PPM1H: variants seen among roughly 807,000 people sequenced by gnomAD.
The protein encoded by PPM1H is protein phosphatase, Mg2+/Mn2+ dependent 1H.
A neutral mutation model predicts 54.9 loss-of-function variants in PPM1H; 27 were observed. The ratio of observed to expected loss-of-function variants is 0.49; its 90% CI spans 0.36 to 0.68. The LOEUF (loss-of-function observed/expected upper bound fraction) is 0.68. Among genes scored for constraint, PPM1H ranks in the 30% least tolerant of loss-of-function variants. The pLI is 0.00. For missense variants in PPM1H, 596 were observed against 667.8 expected (o/e 0.89, Z 1.19); for synonymous variants, 305 against 270.8 (o/e 1.13, Z -1.24).
chr12:62,811,655 G>C (rs946795522), intron 2 of PPM1H, among the ~76,000 whole-genome samples: 1 of 152,126 alleles, frequency 6.6e-6, no homozygotes, highest in Non-Finnish European at 1.5e-5. Flanking sequence ...CCTCCATGCT[G>C]TTCTTGTGAT....
intron 1 of PPM1H, among the ~76,000 whole-genome samples, chr12:62,921,284 T>C (rs894982868): frequency 6.6e-6 from 1 of 152,144 alleles, no homozygotes; most frequent in Non-Finnish European, 1.5e-5. Context: ...CTTCCTATAC[T>C]TATACAAAAA....
intron 6 of PPM1H, among the ~76,000 whole-genome samples, chr12:62,695,586 T>C (rs1357348129): frequency 1.3e-5 from 2 of 152,154 alleles, no homozygotes; most frequent in Non-Finnish European, 2.9e-5. Context: ...TTTGATGTTT[T>C]TACATACTCA....
chr12:62,756,029 C>T lies in PPM1H; in HGVS notation c.870-18443G>A, dbSNP rs986527651. The T allele has an allele frequency of 7.1e-6, 10 of 1,410,118 alleles. No homozygotes were observed. In the African/African-American group the frequency reaches 1.1e-4, roughly 16 times the overall value. 87.4% of individuals were successfully genotyped at this position (1,410,118 alleles called of 1,614,324 possible). On this transcript the variant is annotated intron_variant, in intron 4 of 9. Coordinates refer to ENST00000228705, the MANE Select transcript of PPM1H (RefSeq NM_020700.2). ...AAGGTGGTGAAGCAGGCGTCCGAGA[C>T]CCCCTCAAGGGCATCCTGGGCTACA... is the stretch of plus-strand genomic sequence containing the variant.
rs1446020724 is a variant in PPM1H at position 62,844,213 on chromosome 12, A to G, written c.246-11934T>C. Among the ~76,000 whole-genome samples, 1 of 152,200 alleles carries G rather than the reference A, an allele frequency of 6.6e-6. No homozygotes were observed. The highest frequency in any genetic ancestry group is 1.5e-5 in the Non-Finnish European group (1 of 68,036). On this transcript the variant is annotated intron_variant, in intron 1 of 9. Transcript: ENST00000228705. This position sits in a 1 kb window ranked among gnomAD's most constrained non-coding sequence, Gnocchi z 5.2. ...GTTGGTGTTCCAAAGTGGGGAAGCTAAGGTTTCACTTATATAGGCAGAAAC... is the reference window on the plus strand; with the variant it reads ...GTTGGTGTTCCAAAGTGGGGAAGCTGAGGTTTCACTTATATAGGCAGAAAC...
chr12:62,663,817 C>T (rs1197780732), intron 9 of PPM1H, among the ~76,000 whole-genome samples: 2 of 152,090 alleles, frequency 1.3e-5, no homozygotes, highest in Admixed American at 6.5e-5. Flanking sequence ...CATGGAGAAA[C>T]CCCATCTCTA....
intron 2 of PPM1H, among the ~76,000 whole-genome samples, chr12:62,803,187 T>C (rs540447277): frequency 5.3e-5 from 8 of 152,320 alleles, no homozygotes; most frequent in Admixed American, 2.6e-4. Context: ...ACTCTCGGTC[T>C]CTCCATTCCT....
At chr12:62,763,773 A>G (rs1347994853) in intron 4 of PPM1H, among the ~76,000 whole-genome samples, 2 of 152,216 alleles carry the variant, frequency 1.3e-5, no homozygotes, top group Non-Finnish European at 2.9e-5. Context: ...TGAAGCAACC[A>G]AAATCTTGAG....
At position 62,733,323 on chromosome 12, in the gene PPM1H, C is replaced by T. The variant is rs1050026139; in HGVS notation, c.954+4179G>A. Among the ~76,000 whole-genome samples the T allele has an allele frequency of 3.2e-4, 48 of 152,144 alleles. 1 individual carries two copies. The highest frequency in any genetic ancestry group is 2.8e-3 in the Admixed American group (43 of 15,276). On this transcript the variant is annotated intron_variant, in intron 5 of 9. Transcript: ENST00000228705. ...GGCTGGAGTTGCAGTGGCACAATCT[C>T]GGCTTACTGCAACCTCCGCCTCCCA...
chr12:62,834,943 C>G (rs541026250), intron 1 of PPM1H, among the ~76,000 whole-genome samples: 47 of 152,220 alleles, frequency 3.1e-4, no homozygotes, highest in South Asian at 2.1e-3. Context: ...GGGGAAAGCT[C>G]AAGTGGGGGT....
intron 1 of PPM1H, among the ~76,000 whole-genome samples, chr12:62,901,328 A>C (rs1400637829): frequency 2.0e-5 from 3 of 152,184 alleles, no homozygotes; most frequent in African/African-American, 4.8e-5. Context: ...TCAGATTTCT[A>C]TTTTTAAGTT....
intron 1 of PPM1H, among the ~76,000 whole-genome samples, chr12:62,898,914 CCGTCCA>C (rs1463612980): frequency 2.6e-5 from 4 of 152,158 alleles, no homozygotes; most frequent in Non-Finnish European, 5.9e-5. Flanking sequence ...AGAGAAGCAG[CCGTCCA>C]CTGGGTTCAG....
chr12:62,826,762 A>G lies in PPM1H; in HGVS notation c.411+5352T>C, dbSNP rs140361540. ...TCAAGAAAGGAGGGAGAAATTAAGC[A>G]TATGTATTCCAGAGGGACTTCATGC... is the stretch of plus-strand genomic sequence containing the variant. On this transcript the variant is annotated intron_variant, in intron 2 of 9. Coordinates refer to ENST00000228705, the MANE Select transcript of PPM1H (RefSeq NM_020700.2). Among the ~76,000 whole-genome samples the G allele has an allele frequency of 6.6e-5, 10 of 152,364 alleles. No homozygotes were observed. The East Asian group carries it at 1.5e-3, about 23-fold the overall frequency.
intron 2 of PPM1H, among the ~76,000 whole-genome samples, chr12:62,825,663 C>T (rs1471429539): frequency 1.3e-5 from 2 of 152,082 alleles, no homozygotes; most frequent in East Asian, 1.9e-4. Context: ...TGTTCTCACT[C>T]ATAGGTGGGA....
At chr12:62,677,442 A>T (rs192614926) in intron 8 of PPM1H, among the ~76,000 whole-genome samples, 1 of 152,296 alleles carries the variant, frequency 6.6e-6, no homozygotes, top group Non-Finnish European at 1.5e-5. Context: ...CAGGGTTGTG[A>T]TGCCCTCTTT....
chr12:62,665,434 G>T (rs571957659), intron 9 of PPM1H, among the ~76,000 whole-genome samples: 1 of 152,216 alleles, frequency 6.6e-6, no homozygotes, highest in South Asian at 2.1e-4. Context: ...AAAAAATTCT[G>T]GAACTTCTTC....
rs899240913 is a variant in PPM1H, at chr12:62,844,008, G to A, written c.246-11729C>T. Among the ~76,000 whole-genome samples, 4 of 152,214 alleles carry A rather than the reference G, an allele frequency of 2.6e-5. No individual in the cohort carries two copies. Among genetic ancestry groups the A allele is most frequent in the Non-Finnish European group, 5.9e-5 (4 of 68,044 alleles). ...TGAGGTCTCAGAATAACCCATCTGA[G>A]TTTCATTTTAGGCAAACTGATTTCT... On this transcript the variant is annotated intron_variant, in intron 1 of 9. Coordinates refer to ENST00000228705, the MANE Select transcript of PPM1H (RefSeq NM_020700.2). The surrounding 1 kb of genome is among the most constrained non-coding windows in gnomAD (Gnocchi z 5.2).
chr12:62,824,661 T>C (rs1043835654), intron 2 of PPM1H, among the ~76,000 whole-genome samples: 19 of 152,180 alleles, frequency 1.2e-4, no homozygotes, highest in Non-Finnish European at 2.4e-4. Context: ...AAGGATTCCC[T>C]ATTTAATAAA....
At chr12:62,672,058 T>A (rs369188954) in intron 8 of PPM1H, among the ~76,000 whole-genome samples, 2 of 152,348 alleles carry the variant, frequency 1.3e-5, no homozygotes, top group East Asian at 3.9e-4. Context: ...GTATCTTCAA[T>A]GCCCAACTTA....
chr12:62,852,097 C>T (rs571564996), intron 1 of PPM1H, among the ~76,000 whole-genome samples: 18 of 151,658 alleles, frequency 1.2e-4, no homozygotes, highest in Non-Finnish European at 2.4e-4. Flanking sequence ...GGCGTGGTGG[C>T]GGGCGCCTGT....
Sources: gnomAD v4.1 joint callset for allele counts (sites outside exome capture counted in the v4.1 genomes callset) on GRCh38, gnomAD v4.1.1 for gene constraint, Gnocchi (gnomAD v3.1) non-coding constraint, MANE v1.5 for transcripts, NCBI Gene and HGNC (gene_info 2026-07-23, HGNC 2026-07-21) for gene names.